The following INTS4 variants were observed in gnomAD, a reference collection of about 807,000 sequenced individuals.
INTS4 encodes integrator complex subunit 4.
INTS4 carries 70 observed loss-of-function variants against 119.5 expected under a neutral mutation model. The observed-to-expected ratio is 0.59, with a 90% CI of 0.48 to 0.71. INTS4 has a LOEUF of 0.71. Among genes scored for constraint, INTS4 ranks in the 30% least tolerant of loss-of-function variants. The probability of loss-of-function intolerance (pLI) is 0.00; values close to 1 mark genes in which losing one functional copy is unlikely to be tolerated. For synonymous variants in INTS4, 316 were observed against 419.6 expected (o/e 0.75, Z 3.02); for missense variants, 867 against 1,173.2 (o/e 0.74, Z 3.81).
rs1591032681 is a variant in INTS4, at chr11:77,900,744, A to G, written c.2228+677T>C. The G allele has an allele frequency of 2.9e-5, 18 of 626,802 alleles. 1 individual carries two copies. In the East Asian group the frequency reaches 4.7e-4, roughly 16 times the overall value. 38.8% of individuals were successfully genotyped at this position (626,802 alleles called of 1,614,324 possible). A position where few individuals can be genotyped will look rare whatever the true frequency, so the allele number is the denominator to read the frequency against. On this transcript the variant is annotated intron_variant, in intron 18 of 22. Coordinates refer to ENST00000534064, the MANE Select transcript of INTS4 (RefSeq NM_033547.4). ...AAATATCTGATTTCAGAGAAGTTAC[A>G]ATAATAAAAAATGTGTATCTTGGAA...
intron 22 of INTS4, among the ~76,000 whole-genome samples, chr11:77,882,133 C>A (rs1429499531): frequency 6.6e-6 from 1 of 152,190 alleles, no homozygotes; most frequent in Non-Finnish European, 1.5e-5. Context: ...CCATGCTGGT[C>A]TCAGACTCTT....
intron 2 of INTS4, among the ~76,000 whole-genome samples, chr11:77,990,636 A>C (rs569668423): frequency 1.8e-3 from 265 of 150,072 alleles, no homozygotes; most frequent in Non-Finnish European, 3.0e-3. Flanking sequence ...CAGCGAGCCA[A>C]GATTGCACTA....
intron 18 of INTS4, among the ~76,000 whole-genome samples, chr11:77,900,975 A>G (rs1292224724): frequency 3.3e-5 from 5 of 152,218 alleles, no homozygotes; most frequent in Non-Finnish European, 5.9e-5. Flanking sequence ...CCAAACAACT[A>G]GTAAGTAGAA....
intron 2 of INTS4, among the ~76,000 whole-genome samples, chr11:77,988,962 A>G (rs1273451467): frequency 1.3e-5 from 2 of 152,194 alleles, no homozygotes; most frequent in Non-Finnish European, 2.9e-5. Flanking sequence ...CATCAACTAT[A>G]AAAAGGTACT....
chr11:77,877,116 C>A, downstream of INTS4: 1 of 689,902 alleles, frequency 1.4e-6, no homozygotes. Flanking sequence ...CTTTCGCACT[C>A]ATGACCTCGT....
At position 77,891,533 on chromosome 11, in the gene INTS4, C is replaced by G. The variant is rs539413825; in HGVS notation, c.2449-71G>C. The G allele has an allele frequency of 1.4e-4, 221 of 1,589,230 alleles. 1 individual carries two copies. In the South Asian group the frequency reaches 2.3e-3, roughly 17 times the overall value. ...CTGGATGAGAAAACGCATCTTTTTT[C>G]TGTCTCCTTATCTAATGAGTGGGCA... On this transcript the variant is annotated intron_variant, in intron 20 of 22. Coordinates refer to ENST00000534064, the MANE Select transcript of INTS4 (RefSeq NM_033547.4).
rs901282037 is a variant in INTS4, at chr11:77,979,378, G to C, written c.365-276C>G. Reference sequence around the variant, plus strand: ...GAGTCTCAGCTACTTAGGAGGCCGAGGTAGGAGGACTGCTTGAGCCTCAGA... The same window carrying C: ...GAGTCTCAGCTACTTAGGAGGCCGACGTAGGAGGACTGCTTGAGCCTCAGA... On this transcript the variant is annotated intron_variant, in intron 3 of 22. Coordinates refer to ENST00000534064, the MANE Select transcript of INTS4 (RefSeq NM_033547.4). Among the ~76,000 whole-genome samples, 5 of 152,134 alleles carry C rather than the reference G, an allele frequency of 3.3e-5. No homozygotes were observed. The East Asian group carries it at 7.7e-4, about 24-fold the overall frequency.
At chr11:77,979,197 G>C in intron 3 of INTS4, 95 bp from the exon 4 acceptor site, 1 of 674,776 alleles carries the variant, frequency 1.5e-6, no homozygotes, top group South Asian at 1.5e-5. Context: ...TTGGCTAGGC[G>C]CAGTGACTCA....
chr11:77,973,774 T>C (rs77407193), intron 4 of INTS4, among the ~76,000 whole-genome samples: 1 of 152,222 alleles, frequency 6.6e-6, no homozygotes, highest in East Asian at 1.9e-4. Flanking sequence ...AAACCAACCT[T>C]GCATTCCTGG....
At chr11:77,941,458 CT>C (rs35544689) in intron 8 of INTS4, among the ~76,000 whole-genome samples, 63 of 138,416 alleles carry the variant, frequency 4.6e-4, no homozygotes, top group East Asian at 2.5e-3. Context: ...ACCTACTGTG[CT>C]TTTTTTTTTT....
In INTS4 at chr11:77,979,070, T is replaced by C; in HGVS notation, c.397A>G (p.Thr133Ala). 2 of 1,612,874 alleles carry C rather than the reference T, an allele frequency of 1.2e-6. No individual in the cohort carries two copies. Among genetic ancestry groups the C allele is most frequent in the Non-Finnish European group, 1.7e-6 (2 of 1,179,066 alleles). ...SHQVLAQLLD[T>A]LLAIGTKLPE... ...AGCTTAGTGCCAATTGCAAGCAAAG[T>C]ATCCAGCAGTTGAGCTAGGACTTGA... is the stretch of plus-strand genomic sequence containing the variant. Residue 133 changes from threonine to alanine, a missense_variant, in exon 4 of 23, where the codon ACT (threonine) becomes GCT (alanine). By Grantham distance (58) the Thr-to-Ala change is moderately conservative. Transcript: ENST00000534064.
chr11:77,926,039 G>C (rs61900186), intron 11 of INTS4, among the ~76,000 whole-genome samples: 16 of 152,144 alleles, frequency 1.1e-4, no homozygotes, highest in Non-Finnish European at 2.2e-4. Context: ...AAATCATTTT[G>C]TTTGTTTACT....
At chr11:77,956,201 G>A in intron 7 of INTS4, 139 bp from the exon 8 acceptor site, 1 of 829,082 alleles carries the variant, frequency 1.2e-6, no homozygotes, top group South Asian at 1.8e-5. Context: ...TTGAGCCCAA[G>A]AGTTCAAGAC....
intron 2 of INTS4, 38 bp downstream of exon 2, chr11:77,991,070 C>A: frequency 6.5e-7 from 1 of 1,545,790 alleles, no homozygotes; most frequent in South Asian, 1.1e-5. Flanking sequence ...ATACAACTCC[C>A]ATGATATACT....
chr11:77,896,949 T>C (rs1038281835), intron 18 of INTS4, among the ~76,000 whole-genome samples: 1 of 150,260 alleles, frequency 6.7e-6, no homozygotes, highest in Non-Finnish European at 1.5e-5. Flanking sequence ...GGTTTGAGCA[T>C]GAAAAATAAG....
chr11:77,986,240 T>C (rs1856451593), intron 2 of INTS4, among the ~76,000 whole-genome samples: 1 of 152,156 alleles, frequency 6.6e-6, no homozygotes, highest in Non-Finnish European at 1.5e-5. Flanking sequence ...CATGAAAAAA[T>C]GCTCACCATC....
At chr11:77,877,510 G>T (rs1951631879), downstream of INTS4, among the ~76,000 whole-genome samples, 1 of 152,194 alleles carries the variant, frequency 6.6e-6, no homozygotes, top group Non-Finnish European at 1.5e-5. Flanking sequence ...CACAGATGAG[G>T]AAACTGAGGC....
intron 4 of INTS4, among the ~76,000 whole-genome samples, chr11:77,963,859 A>C (rs992280125): frequency 6.6e-6 from 1 of 152,074 alleles, no homozygotes; most frequent in African/African-American, 2.4e-5. Flanking sequence ...TAATTTTTAA[A>C]ATTTTTGTAG....
chr11:77,908,398 G>A (rs1278198464), intron 15 of INTS4, among the ~76,000 whole-genome samples: 3 of 149,832 alleles, frequency 2.0e-5, no homozygotes, highest in Non-Finnish European at 3.0e-5. Flanking sequence ...GCGTGATCTC[G>A]ACTCACTGCA....
Sources: gnomAD v4.1 joint callset for allele counts (sites outside exome capture counted in the v4.1 genomes callset) on GRCh38, gnomAD v4.1.1 for gene constraint, MANE v1.5 for transcripts, NCBI Gene and HGNC (gene_info 2026-07-23, HGNC 2026-07-21) for gene names.